Variants in KRT8 observed in about 807,000 individuals in gnomAD.
KRT8 encodes the protein keratin 8, also known as keratin, type II cytoskeletal 8.
In KRT8, 24 loss-of-function variants were observed where a neutral mutation model predicts 43.0. The ratio of observed to expected loss-of-function variants is 0.56; its 90% CI spans 0.40 to 0.78. KRT8 has a LOEUF of 0.78. Among genes scored for constraint, KRT8 ranks in the 30% least tolerant of loss-of-function variants. The pLI is 0.00. For missense variants in KRT8, 492 were observed against 638.4 expected (o/e 0.77, Z 2.47); for synonymous variants, 214 against 261.2 (o/e 0.82, Z 1.74).
chr12:52,900,917 G>C, intron 3 of KRT8: 1 of 632,606 alleles, frequency 1.6e-6, no homozygotes, highest in Non-Finnish European at 2.8e-6. Flanking sequence ...GCCTTCTAGA[G>C]CCAGATCTCC....
intron 2 of KRT8, among the ~76,000 whole-genome samples, chr12:52,940,906 G>A (rs1942258051): frequency 6.6e-6 from 1 of 151,940 alleles, no homozygotes; most frequent in South Asian, 2.1e-4. Flanking sequence ...GATTACAGGT[G>A]TGAGCCACCA....
intron 2 of KRT8, among the ~76,000 whole-genome samples, chr12:52,921,574 C>A (rs977749259): frequency 3.9e-5 from 6 of 152,042 alleles, no homozygotes; most frequent in African/African-American, 1.2e-4. Context: ...AGGCCCAGGG[C>A]CCCTCCTTCC....
chr12:52,924,366 A>G (rs190999799), intron 2 of KRT8, among the ~76,000 whole-genome samples: 41 of 151,646 alleles, frequency 2.7e-4, no homozygotes, highest in African/African-American at 7.0e-4. Context: ...GGAGAATGGC[A>G]TGAACCCGGG....
chr12:52,934,427 G>A (rs902675390), intron 2 of KRT8, among the ~76,000 whole-genome samples: 2 of 151,840 alleles, frequency 1.3e-5, no homozygotes, highest in African/African-American at 4.8e-5. Flanking sequence ...CAGGATGGTG[G>A]CACACACCTG....
At chr12:52,944,187 C>A (rs959650625) in intron 2 of KRT8, among the ~76,000 whole-genome samples, 19 of 152,174 alleles carry the variant, frequency 1.2e-4, no homozygotes, top group African/African-American at 4.6e-4. Flanking sequence ...CATTCTACAG[C>A]TGAGGAGAGA....
chr12:52,938,170 ATTTTTTTTTT>A (rs780140219), intron 2 of KRT8, among the ~76,000 whole-genome samples: 31 of 30,204 alleles, frequency 1.0e-3, no homozygotes, highest in East Asian at 2.3e-3. Flanking sequence ...ATATATATAT[ATTTTTTTTTT>A]TTTTTATATA....
chr12:52,902,947 G>A (rs1263185826), intron 1 of KRT8, among the ~76,000 whole-genome samples: 1 of 152,048 alleles, frequency 6.6e-6, no homozygotes, highest in Non-Finnish European at 1.5e-5. Context: ...AGGAAGCGGA[G>A]GTTGCAGTGA....
At chr12:52,898,856 C>T in exon 6 of KRT8, 5 of 1,613,366 alleles carry the variant, frequency 3.1e-6, no homozygotes, top group Non-Finnish European at 4.2e-6. Flanking sequence ...GGCCAGCTCT[C>T]CACGCTGCTC....
In KRT8 at chr12:52,935,378, C is replaced by CAAAAAAAAAAAAA. The variant is rs71092794; in HGVS notation, c.-47+14065_-47+14077dup. Among the ~76,000 whole-genome samples the CAAAAAAAAAAAAA allele has an allele frequency of 2.5e-4, 6 of 23,750 alleles. 2 individuals carry two copies. The highest frequency in any genetic ancestry group is 1.2e-3 in the African/African-American group (6 of 5,154). 15.6% of individuals were successfully genotyped at this position (23,750 alleles called of 152,430 possible). A position where few individuals can be genotyped will look rare whatever the true frequency, so the allele number is the denominator to read the frequency against. On this transcript the variant is annotated intron_variant, in intron 2 of 6. Coordinates refer to the KRT8 transcript ENST00000546826. ...TGGGTGACAGAGCAAGACTCTGTCT[C>CAAAAAAAAAAAAA]AAAAAAAAAAAAAAAAAAAAAAAAA...
chr12:52,945,851 T>C (rs1942335707), intron 2 of KRT8, among the ~76,000 whole-genome samples: 1 of 152,038 alleles, frequency 6.6e-6, no homozygotes, highest in African/African-American at 2.4e-5. Context: ...GTCCTCACAA[T>C]CACGCCATCC....
At chr12:52,922,884 G>A (rs1941916109) in intron 2 of KRT8, among the ~76,000 whole-genome samples, 1 of 152,170 alleles carries the variant, frequency 6.6e-6, no homozygotes, top group African/African-American at 2.4e-5. Flanking sequence ...GGAGATGCAG[G>A]AGGCAGGAAG....
intron 4 of KRT8, 88 bp from the exon 5 acceptor site, chr12:52,900,153 C>T (rs1195048583): frequency 7.3e-7 from 1 of 1,361,924 alleles, no homozygotes; most frequent in East Asian, 2.4e-5. Context: ...GGGTATAAGA[C>T]AGGGGCAGCA....
At chr12:52,924,288 A>T (rs917413249) in intron 2 of KRT8, among the ~76,000 whole-genome samples, 25 of 152,156 alleles carry the variant, frequency 1.6e-4, no homozygotes, top group African/African-American at 5.5e-4. Context: ...CTCTACTAAA[A>T]ATACAAAAAA....
exon 8 of KRT8, chr12:52,897,567 C>T (rs771275409): frequency 1.9e-6 from 3 of 1,598,304 alleles, no homozygotes; most frequent in Non-Finnish European, 2.5e-6. Flanking sequence ...GGAGCCCAGG[C>T]TGTAGCTGAG....
intron 2 of KRT8, among the ~76,000 whole-genome samples, chr12:52,942,642 C>G (rs1203680536): frequency 6.6e-6 from 1 of 152,154 alleles, no homozygotes; most frequent in Admixed American, 6.6e-5. Flanking sequence ...GCCCTTTCAG[C>G]CATGTTTTAA....
intron 2 of KRT8, among the ~76,000 whole-genome samples, chr12:52,938,845 C>G (rs1431261550): frequency 6.6e-6 from 1 of 152,038 alleles, no homozygotes; most frequent in African/African-American, 2.4e-5. Flanking sequence ...TCTTGATCTC[C>G]TGACCTCATG....
chr12:52,933,322 G>T (rs781430668), intron 2 of KRT8, among the ~76,000 whole-genome samples: 2 of 152,146 alleles, frequency 1.3e-5, no homozygotes, highest in Non-Finnish European at 2.9e-5. Context: ...TTTACAATCA[G>T]ATTTAAAACA....
At chr12:52,910,834 T>C (rs1384649707), upstream of KRT8, among the ~76,000 whole-genome samples, 1 of 152,206 alleles carries the variant, frequency 6.6e-6, no homozygotes, top group Non-Finnish European at 1.5e-5. Flanking sequence ...GCCCACTGTT[T>C]TGATTTTCCT....
At chr12:52,925,476 TCAACAC>T (rs1592179278) in intron 2 of KRT8, among the ~76,000 whole-genome samples, 1 of 152,130 alleles carries the variant, frequency 6.6e-6, no homozygotes, top group East Asian at 1.9e-4. Context: ...AGAAACCTGC[TCAACAC>T]CTCTTCCCCT....
Sources: gnomAD v4.1 joint callset for allele counts (sites outside exome capture counted in the v4.1 genomes callset) on GRCh38, gnomAD v4.1.1 for gene constraint, MANE v1.5 for transcripts, NCBI Gene and HGNC (gene_info 2026-07-23, HGNC 2026-07-21) for gene names.